The following ENPP6 variants were observed in gnomAD, a reference collection of about 807,000 sequenced individuals.
ENPP6 encodes the protein ectonucleotide pyrophosphatase/phosphodiesterase 6.
Under a neutral mutation model 42.0 loss-of-function variants are expected in ENPP6, and 32 were observed. That is an observed-to-expected ratio of 0.76 (90% CI 0.58 to 1.02). ENPP6 has a LOEUF of 1.02. ENPP6 is among the 50% of genes least tolerant of loss of function. The probability of loss-of-function intolerance (pLI) is 0.00; values close to 1 mark genes in which losing one functional copy is unlikely to be tolerated. For missense variants in ENPP6, 552 were observed against 566.8 expected (o/e 0.97, Z 0.27); for synonymous variants, 213 against 216.0 (o/e 0.99, Z 0.12).
chr4:184,163,413 C>T (rs1021929529), intron 1 of ENPP6, among the ~76,000 whole-genome samples: 2 of 152,138 alleles, frequency 1.3e-5, no homozygotes, highest in African/African-American at 2.4e-5. Flanking sequence ...CGAGGGTGAC[C>T]TGAACCTGGA....
chr4:184,156,094 G>T (rs549918514), intron 1 of ENPP6, among the ~76,000 whole-genome samples: 1 of 152,318 alleles, frequency 6.6e-6, no homozygotes, highest in African/African-American at 2.4e-5. Context: ...CCTATAAGGT[G>T]GAGCGCTTTC....
chr4:184,117,042 G>A lies in ENPP6; in HGVS notation c.676-7C>T, dbSNP rs370763928. The A allele has an allele frequency of 3.6e-5, 58 of 1,614,042 alleles. No homozygotes were observed. Among genetic ancestry groups the A allele is most frequent in the Non-Finnish European group, 4.8e-5 (57 of 1,180,018 alleles). On this transcript the variant is annotated splice_region_variant and splice_polypyrimidine_tract_variant and intron_variant, in intron 4 of 7. Transcript: ENST00000296741. ...GGTCCTGCAGGCCCCGCTCCTGTGG[G>A]GTGGGAAAAGACAGTCATTACGGCA...
intron 2 of ENPP6, among the ~76,000 whole-genome samples, chr4:184,147,690 A>G: frequency 6.6e-6 from 1 of 151,292 alleles, no homozygotes; most frequent in Non-Finnish European, 1.5e-5. Flanking sequence ...CATCCCACCT[A>G]CTTAGGAAGC....
chr4:184,093,640 A>AAAT (rs370411138), intron 7 of ENPP6, among the ~76,000 whole-genome samples: 31,349 of 132,118 alleles, frequency 0.24, 3,720 homozygotes, highest in Middle Eastern at 0.28. Context: ...CTCTGTCTCA[A>AAAT]AATAATAATA....
At chr4:184,148,683 C>A (rs1736967420) in intron 2 of ENPP6, among the ~76,000 whole-genome samples, 1 of 152,188 alleles carries the variant, frequency 6.6e-6, no homozygotes, top group Non-Finnish European at 1.5e-5. Context: ...TGAATTCAAC[C>A]CAAAGAGGCT....
chr4:184,209,612 T>G (rs1337275824), intron 1 of ENPP6, among the ~76,000 whole-genome samples: 93 of 150,168 alleles, frequency 6.2e-4, no homozygotes, highest in African/African-American at 2.1e-3. Flanking sequence ...ACATCTGATT[T>G]GTGTACCTGA....
intron 4 of ENPP6, among the ~76,000 whole-genome samples, chr4:184,117,237 C>G (rs1327892390): frequency 6.6e-6 from 1 of 152,224 alleles, no homozygotes; most frequent in African/African-American, 2.4e-5. Flanking sequence ...CAGTCCCACT[C>G]AATTCGTGCT....
chr4:184,199,063 A>C (rs910466613), intron 1 of ENPP6, among the ~76,000 whole-genome samples: 2 of 152,224 alleles, frequency 1.3e-5, no homozygotes, highest in Non-Finnish European at 2.9e-5. Flanking sequence ...ATATGTGACC[A>C]GAGACCAAGG....
chr4:184,180,348 G>T (rs924628197), intron 1 of ENPP6, among the ~76,000 whole-genome samples: 1 of 152,152 alleles, frequency 6.6e-6, no homozygotes, highest in South Asian at 2.1e-4. Flanking sequence ...AAAAAGTTCT[G>T]AAATTGAGCC....
chr4:184,091,897 A>G (rs1735810531), intron 7 of ENPP6, among the ~76,000 whole-genome samples: 1 of 152,140 alleles, frequency 6.6e-6, no homozygotes, highest in African/African-American at 2.4e-5. Flanking sequence ...TCCTGTCTCA[A>G]AAAAAGGTAA....
intron 2 of ENPP6, among the ~76,000 whole-genome samples, chr4:184,140,252 A>G (rs1473701888): frequency 6.6e-6 from 1 of 151,434 alleles, no homozygotes; most frequent in East Asian, 1.9e-4. Context: ...ATACAAACAA[A>G]TGGAAGAACA....
intron 2 of ENPP6, among the ~76,000 whole-genome samples, chr4:184,147,463 A>G (rs1335439508): frequency 2.0e-5 from 3 of 152,150 alleles, no homozygotes; most frequent in African/African-American, 7.2e-5. Flanking sequence ...CCTTCCAGTG[A>G]CTTCTCATTC....
chr4:184,121,161 G>C (rs1193637909), intron 3 of ENPP6, among the ~76,000 whole-genome samples: 1 of 152,236 alleles, frequency 6.6e-6, no homozygotes, highest in Non-Finnish European at 1.5e-5. Context: ...GCCAATGGCT[G>C]TTAAAGCACT....
chr4:184,136,137 C>T (rs192682868), intron 2 of ENPP6, among the ~76,000 whole-genome samples: 19 of 151,750 alleles, frequency 1.3e-4, no homozygotes, highest in African/African-American at 4.6e-4. Flanking sequence ...TGATTAACCT[C>T]TTCCTTGCAA....
chr4:184,158,264 T>C (rs1737206942), intron 1 of ENPP6, among the ~76,000 whole-genome samples: 1 of 152,228 alleles, frequency 6.6e-6, no homozygotes. Context: ...TAGCTTAGAC[T>C]CTCTGAAGCC....
chr4:184,190,670 T>C (rs866622671), intron 1 of ENPP6, among the ~76,000 whole-genome samples: 24 of 152,076 alleles, frequency 1.6e-4, no homozygotes, highest in African/African-American at 5.6e-4. Context: ...ATGAGACACA[T>C]TGAGTGGGAT....
Position 184,089,872 on chromosome 4 carries a change from A to G in ENPP6, c.*1305T>C, listed in dbSNP as rs1416470531. On this transcript the variant is annotated 3_prime_UTR_variant, in exon 8 of 8. Coordinates refer to ENST00000296741, the MANE Select transcript of ENPP6 (RefSeq NM_153343.4). ...ATAAATGATCATGTAAAAAGGAGTT[A>G]TTTCTTGTGTTACAATTTCTCCTAT... The G allele has an allele frequency of 1.3e-5, 2 of 152,198 alleles. No homozygotes were observed. Among genetic ancestry groups the G allele is most frequent in the African/African-American group, 4.8e-5 (2 of 41,448 alleles). 9.4% of individuals were successfully genotyped at this position (152,198 alleles called of 1,614,324 possible).
intron 1 of ENPP6, among the ~76,000 whole-genome samples, chr4:184,185,636 G>A (rs938702381): frequency 1.3e-5 from 2 of 152,180 alleles, no homozygotes; most frequent in Non-Finnish European, 2.9e-5. Flanking sequence ...GGTTTAACTT[G>A]AATCTATTCA....
chr4:184,201,984 T>A (rs938898473), intron 1 of ENPP6, among the ~76,000 whole-genome samples: 2 of 152,186 alleles, frequency 1.3e-5, no homozygotes, highest in Admixed American at 6.5e-5. Flanking sequence ...AAATATTCTC[T>A]ACCAGCTGGG....
Sources: gnomAD v4.1 joint callset for allele counts (sites outside exome capture counted in the v4.1 genomes callset) on GRCh38, gnomAD v4.1.1 for gene constraint, MANE v1.5 for transcripts, NCBI Gene and HGNC (gene_info 2026-07-23, HGNC 2026-07-21) for gene names.